Variants in SKAP1 observed in about 807,000 individuals in gnomAD.
SKAP1 encodes src kinase-associated phosphoprotein 1.
Under a neutral mutation model 58.5 loss-of-function variants are expected in SKAP1, and 44 were observed. The observed-to-expected ratio is 0.75, with a 90% CI of 0.59 to 0.97. The LOEUF is 0.97. Among genes scored for constraint, SKAP1 ranks in the 50% least tolerant of loss-of-function variants. The pLI, the probability that SKAP1 is intolerant of heterozygous loss-of-function variation, is 0.00. For missense variants in SKAP1, 390 were observed against 435.2 expected (o/e 0.90, Z 0.92); for synonymous variants, 127 against 149.7 (o/e 0.85, Z 1.11).
intron 10 of SKAP1, 101 bp downstream of exon 10, chr17:48,170,508 A>T: frequency 9.9e-7 from 1 of 1,005,468 alleles, no homozygotes; most frequent in Non-Finnish European, 1.6e-6. Flanking sequence ...CCTCTTAATT[A>T]TTGAGTTCAG....
At chr17:48,156,489 C>G (rs759274065) in intron 11 of SKAP1, 8 of 527,370 alleles carry the variant, frequency 1.5e-5, no homozygotes, top group Non-Finnish European at 3.1e-5. Flanking sequence ...GTGGCTTGAG[C>G]TGCATCCTGG....
intron 4 of SKAP1, among the ~76,000 whole-genome samples, chr17:48,236,392 A>C (rs553559267): frequency 1.3e-5 from 2 of 152,226 alleles, no homozygotes; most frequent in Non-Finnish European, 2.9e-5. Flanking sequence ...CTTGAATATT[A>C]CATTACTATT....
chr17:48,242,430 C>T (rs778408131), intron 4 of SKAP1, among the ~76,000 whole-genome samples: 5 of 152,126 alleles, frequency 3.3e-5, no homozygotes, highest in Non-Finnish European at 7.3e-5. Context: ...AAATACAATC[C>T]GGCAGTAATG....
chr17:48,235,484 T>C (rs1032225337), intron 4 of SKAP1, among the ~76,000 whole-genome samples: 2 of 152,080 alleles, frequency 1.3e-5, no homozygotes, highest in African/African-American at 4.8e-5. Context: ...CTCCATTTAG[T>C]AGAAAACTGC....
At chr17:48,286,530 A>G (rs1021630305) in intron 4 of SKAP1, among the ~76,000 whole-genome samples, 2 of 152,252 alleles carry the variant, frequency 1.3e-5, no homozygotes, top group African/African-American at 4.8e-5. Context: ...TAACACTTCA[A>G]ATAGTATATG....
chr17:48,383,113 G>A (rs998026457), intron 2 of SKAP1, among the ~76,000 whole-genome samples: 2 of 152,170 alleles, frequency 1.3e-5, no homozygotes, highest in Admixed American at 1.3e-4. Flanking sequence ...TATTTGTTAA[G>A]TAAATTATCT....
chr17:48,287,349 T>A (rs998137253), intron 4 of SKAP1, among the ~76,000 whole-genome samples: 1 of 151,732 alleles, frequency 6.6e-6, no homozygotes, highest in African/African-American at 2.4e-5. Flanking sequence ...TAAGAGAATA[T>A]CAGGGTAATT....
chr17:48,203,341 G>T (rs1040341423), intron 4 of SKAP1, among the ~76,000 whole-genome samples: 1 of 152,142 alleles, frequency 6.6e-6, no homozygotes, highest in Non-Finnish European at 1.5e-5. Flanking sequence ...AAAGCTGAAG[G>T]CACATCCATT....
chr17:48,194,269 T>G (rs926999928), intron 4 of SKAP1, among the ~76,000 whole-genome samples: 2 of 152,264 alleles, frequency 1.3e-5, no homozygotes, highest in African/African-American at 4.8e-5. Flanking sequence ...TCAGATATCT[T>G]TCTCTTCATC....
chr17:48,439,904 C>T, the SKAP1 span, among the ~76,000 whole-genome samples: 2 of 152,174 alleles, frequency 1.3e-5, no homozygotes, highest in Non-Finnish European at 2.9e-5. Flanking sequence ...GCTATCCCAG[C>T]ACCTGCACCC....
chr17:48,145,874 C>T (rs956212930), intron 11 of SKAP1, among the ~76,000 whole-genome samples: 2 of 152,014 alleles, frequency 1.3e-5, no homozygotes, highest in Non-Finnish European at 2.9e-5. Context: ...GCTGTTCCAA[C>T]AAAAGGAACT....
At chr17:48,314,833 G>A (rs919321408) in intron 4 of SKAP1, among the ~76,000 whole-genome samples, 5 of 152,190 alleles carry the variant, frequency 3.3e-5, no homozygotes, top group South Asian at 2.1e-4. Flanking sequence ...GTGTAACCAC[G>A]AAAGTACAGA....
At chr17:48,208,091 T>G (rs150398030) in intron 4 of SKAP1, among the ~76,000 whole-genome samples, 1 of 152,340 alleles carries the variant, frequency 6.6e-6, no homozygotes, top group East Asian at 1.9e-4. Flanking sequence ...ATCATTAGTC[T>G]TGACATAAAT....
intron 4 of SKAP1, among the ~76,000 whole-genome samples, chr17:48,205,023 CTTTCTTTCTTTCTT>C (rs1567819985): frequency 0.051 from 2,774 of 54,028 alleles, 60 homozygotes; most frequent in Admixed American, 0.086. Flanking sequence ...CTTTTTCTTT[CTTTCTTTCTTTCTT>C]TCTCTCTCTC....
At chr17:48,288,204 A>G (rs4556829) in intron 4 of SKAP1, among the ~76,000 whole-genome samples, 50,107 of 152,106 alleles carry the variant, frequency 0.33, 8,976 homozygotes, top group African/African-American at 0.47. Context: ...CTGATTAATT[A>G]TCTCTCAGTG....
intron 4 of SKAP1, among the ~76,000 whole-genome samples, chr17:48,236,007 A>G (rs999326283): frequency 6.6e-6 from 1 of 152,230 alleles, no homozygotes; most frequent in Non-Finnish European, 1.5e-5. Flanking sequence ...AATTTGAAGG[A>G]TAAAATTCAT....
intron 4 of SKAP1, chr17:48,193,663 A>G (rs1269421031): frequency 8.1e-6 from 8 of 983,990 alleles, no homozygotes; most frequent in Non-Finnish European, 9.7e-6. Context: ...CTCCTCTTTC[A>G]GTGTCAGCGC....
At chr17:48,136,354 A>T (rs1442608200) in intron 12 of SKAP1, 2 of 151,928 alleles carry the variant, frequency 1.3e-5, no homozygotes, top group Non-Finnish European at 2.9e-5. Flanking sequence ...TGTATTTTTA[A>T]TAGAGATGGG....
At chr17:48,212,581 C>T (rs181370621) in intron 4 of SKAP1, among the ~76,000 whole-genome samples, 69 of 152,340 alleles carry the variant, frequency 4.5e-4, no homozygotes, top group Non-Finnish European at 6.8e-4. Context: ...AAAAGGTATA[C>T]TTTTCCCTAA....
Sources: gnomAD v4.1 joint callset for allele counts (sites outside exome capture counted in the v4.1 genomes callset) on GRCh38, gnomAD v4.1.1 for gene constraint, MANE v1.5 for transcripts, NCBI Gene and HGNC (gene_info 2026-07-23, HGNC 2026-07-21) for gene names.